The following TESK2 variants were observed in gnomAD, a reference collection of about 807,000 sequenced individuals.
TESK2 encodes the protein testis associated actin remodelling kinase 2.
A neutral mutation model predicts 57.1 loss-of-function variants in TESK2; 39 were observed. The ratio of observed to expected loss-of-function variants is 0.68; its 90% CI spans 0.53 to 0.89. The LOEUF (loss-of-function observed/expected upper bound fraction) is 0.89. Ranked by LOEUF, TESK2 falls within the 40% of genes least tolerant of loss-of-function variation. The pLI, the probability that TESK2 is intolerant of heterozygous loss-of-function variation, is 0.00. For synonymous variants in TESK2, 249 were observed against 267.9 expected (o/e 0.93, Z 0.69); for missense variants, 646 against 732.1 (o/e 0.88, Z 1.36).
chr1:45,381,886 A>ATTT (rs1469442645), intron 4 of TESK2, among the ~76,000 whole-genome samples: 3 of 132,212 alleles, frequency 2.3e-5, no homozygotes, highest in African/African-American at 8.9e-5. Context: ...TTTTTTTTTA[A>ATTT]GAGGTCTCTC....
chr1:45,406,676 A>G (rs977330462), intron 3 of TESK2, among the ~76,000 whole-genome samples: 1 of 152,052 alleles, frequency 6.6e-6, no homozygotes, highest in Non-Finnish European at 1.5e-5. Flanking sequence ...TAAAAATAAA[A>G]AAATTCAAAA....
At chr1:45,374,877 C>T (rs1648340731) in intron 4 of TESK2, among the ~76,000 whole-genome samples, 1 of 152,186 alleles carries the variant, frequency 6.6e-6, no homozygotes, top group African/African-American at 2.4e-5. Flanking sequence ...AGGCCAAAAA[C>T]CTCAGAGTTA....
At chr1:45,483,299 A>G (rs1653311400) in intron 1 of TESK2, among the ~76,000 whole-genome samples, 2 of 151,280 alleles carry the variant, frequency 1.3e-5, no homozygotes, top group South Asian at 4.2e-4. Flanking sequence ...AAAAACAACA[A>G]CAACAAAAAA....
At position 45,411,194 on chromosome 1, in the gene TESK2, T is replaced by C. The variant is rs1412929281; in HGVS notation, c.344+10531A>G. 2.0e-5 allele frequency among the ~76,000 whole-genome samples: 3 copies of C among 152,128 alleles called. No homozygotes were observed. The East Asian group carries it at 5.8e-4, about 29-fold the overall frequency. ...ACTATTATAGAACCTAAGACTGGTT[T>C]TCTGAGAGATTTTTTTCAGACCAAC... On this transcript the variant is annotated intron_variant, in intron 3 of 10. Coordinates refer to ENST00000372086, the MANE Select transcript of TESK2 (RefSeq NM_007170.3).
intron 1 of TESK2, among the ~76,000 whole-genome samples, chr1:45,468,413 A>G (rs1652639921): frequency 6.6e-6 from 1 of 152,166 alleles, no homozygotes; most frequent in South Asian, 2.1e-4. Flanking sequence ...TATATTTTAA[A>G]TGAAATCAAC....
chr1:45,359,130 TCAGCCTC>T (rs1647567691), intron 4 of TESK2, among the ~76,000 whole-genome samples: 1 of 152,228 alleles, frequency 6.6e-6, no homozygotes, highest in African/African-American at 2.4e-5. Context: ...CTAGCCCAAT[TCAGCCTC>T]CTAATAGCCA....
In TESK2 at chr1:45,449,234, A is replaced by AC. The variant is rs1651775189; in HGVS notation, c.222+8329_222+8330insG. Among the ~76,000 whole-genome samples, 2 of 151,812 alleles carry AC rather than the reference A, an allele frequency of 1.3e-5. 1 individual carries two copies. Among genetic ancestry groups the AC allele is most frequent in the South Asian group, 4.2e-4 (2 of 4,810 alleles). On this transcript the variant is annotated intron_variant, in intron 2 of 10. Coordinates refer to ENST00000372086, the MANE Select transcript of TESK2 (RefSeq NM_007170.3). ...GAGACTCTGTCTCAAAAAAAAAAAA[A>AC]AGAAAAAAAAAAAGGAATGCAAAAT...
intron 1 of TESK2, among the ~76,000 whole-genome samples, chr1:45,468,480 A>G (rs1445051179): frequency 1.3e-5 from 2 of 152,226 alleles, no homozygotes; most frequent in African/African-American, 2.4e-5. Flanking sequence ...AATAAAAGGC[A>G]GCAAAGATAT....
At chr1:45,406,939 A>G (rs1291442015) in intron 3 of TESK2, among the ~76,000 whole-genome samples, 3 of 152,260 alleles carry the variant, frequency 2.0e-5, no homozygotes, top group African/African-American at 7.2e-5. Context: ...ATACACTGCC[A>G]TTTCTGACCT....
intron 3 of TESK2, among the ~76,000 whole-genome samples, chr1:45,411,292 G>T (rs181915428): frequency 9.5e-4 from 145 of 152,174 alleles, no homozygotes; most frequent in African/African-American, 3.2e-3. Context: ...TGGCACCAGG[G>T]ACTGGTTTTG....
intron 2 of TESK2, among the ~76,000 whole-genome samples, chr1:45,444,966 AG>A (rs1252963624): frequency 1.4e-5 from 2 of 141,130 alleles, no homozygotes; most frequent in Non-Finnish European, 3.1e-5. Flanking sequence ...TCATGCAGCC[AG>A]AGGTCACAAG....
At chr1:45,412,639 T>A (rs138878205) in intron 3 of TESK2, among the ~76,000 whole-genome samples, 51 of 152,310 alleles carry the variant, frequency 3.3e-4, no homozygotes, top group African/African-American at 1.0e-3. Context: ...ATTGAAGGCA[T>A]AGTCTTCAAT....
chr1:45,352,967 C>T (rs994943894), intron 5 of TESK2, among the ~76,000 whole-genome samples: 15 of 151,748 alleles, frequency 9.9e-5, no homozygotes, highest in Non-Finnish European at 1.9e-4. Context: ...GGCACGATCT[C>T]GGCTCACCAC....
At chr1:45,350,633 C>G (rs1647217852) in intron 5 of TESK2, among the ~76,000 whole-genome samples, 1 of 152,208 alleles carries the variant, frequency 6.6e-6, no homozygotes, top group South Asian at 2.1e-4. Context: ...TTTCAAGTCT[C>G]TTAGAGGATT....
chr1:45,450,640 C>T (rs899178849), intron 2 of TESK2, among the ~76,000 whole-genome samples: 14 of 152,144 alleles, frequency 9.2e-5, no homozygotes, highest in Non-Finnish European at 1.6e-4. Flanking sequence ...TTATATTCAA[C>T]GAAATCTGTC....
At chr1:45,480,912 C>T (rs1466864115) in intron 1 of TESK2, among the ~76,000 whole-genome samples, 1 of 151,386 alleles carries the variant, frequency 6.6e-6, no homozygotes, top group African/African-American at 2.4e-5. Flanking sequence ...CACTTGAACC[C>T]GGGAAATGGA....
At chr1:45,414,280 T>A (rs1650149617) in intron 3 of TESK2, among the ~76,000 whole-genome samples, 1 of 152,192 alleles carries the variant, frequency 6.6e-6, no homozygotes, top group Non-Finnish European at 1.5e-5. Flanking sequence ...AACCACAGTA[T>A]CTTTGAGACA....
rs375166898 is a variant in TESK2 at position 45,355,287 on chromosome 1, A to G, written c.540+16T>C. 3 of 1,613,172 alleles carry G rather than the reference A, an allele frequency of 1.9e-6. No individual in the cohort carries two copies. The African/African-American group carries it at 4.0e-5, about 22-fold the overall frequency. ...GTGGTATCTCTCAATGAGTTGTGAGAGTAAAGCCTTCATACCTTAGATGTG... is the reference window on the plus strand; with the variant it reads ...GTGGTATCTCTCAATGAGTTGTGAGGGTAAAGCCTTCATACCTTAGATGTG... On this transcript the variant is annotated intron_variant, in intron 5 of 10. Coordinates refer to ENST00000372086, the MANE Select transcript of TESK2 (RefSeq NM_007170.3).
rs956967480 is a variant in TESK2, at chr1:45,444,990, C to A, written c.222+12574G>T. On this transcript the variant is annotated intron_variant, in intron 2 of 10. Transcript: ENST00000372086. Reference sequence around the variant, plus strand: ...CAGAGGTCACAAGATTTGTAACTTCCCCAATTGCTCCTACAGATAACATCA... The same window carrying A: ...CAGAGGTCACAAGATTTGTAACTTCACCAATTGCTCCTACAGATAACATCA... Among the ~76,000 whole-genome samples, 3 of 49,626 alleles carry A rather than the reference C, an allele frequency of 6.0e-5. No individual in the cohort carries two copies. The Admixed American group carries it at 7.6e-4, about 13-fold the overall frequency. 32.6% of individuals were successfully genotyped at this position (49,626 alleles called of 152,430 possible). A position where few individuals can be genotyped will look rare whatever the true frequency, so the allele number is the denominator to read the frequency against.
Sources: allele counts gnomAD v4.1 joint callset (sites outside exome capture counted in the v4.1 genomes callset), GRCh38; gene constraint gnomAD v4.1.1; transcripts MANE v1.5; gene names NCBI Gene and HGNC (gene_info 2026-07-23, HGNC 2026-07-21).